MELK: variants seen among roughly 807,000 people sequenced by gnomAD.
MELK encodes the protein pEg3 kinase.
A neutral mutation model predicts 85.0 loss-of-function variants in MELK; 81 were observed. That is an observed-to-expected ratio of 0.95 (90% CI 0.80 to 1.15). The LOEUF is 1.15. Ranked by LOEUF, MELK falls within the 50% of genes most tolerant of loss-of-function variation. The pLI, the probability that MELK is intolerant of heterozygous loss-of-function variation, is 0.00. For missense variants in MELK, 754 were observed against 777.5 expected (o/e 0.97, Z 0.36); for synonymous variants, 252 against 265.0 (o/e 0.95, Z 0.48).
In MELK at chr9:36,661,764, A is replaced by G. The variant is rs1210307138; in HGVS notation, c.1177-3586A>G. 5.9e-5 allele frequency among the ~76,000 whole-genome samples: 9 copies of G among 152,146 alleles called. No homozygotes were observed. The East Asian group carries it at 1.7e-3, about 29-fold the overall frequency. ...ATCCTGGCTAACACAATGAAACTCC[A>G]TCTCTACTAAAAAATACAAAAAATT... is the stretch of plus-strand genomic sequence containing the variant. On this transcript the variant is annotated intron_variant, in intron 13 of 17. Transcript: ENST00000298048.
intron 8 of MELK, among the ~76,000 whole-genome samples, chr9:36,626,499 C>T (rs1024711306): frequency 6.6e-6 from 1 of 152,184 alleles, no homozygotes; most frequent in African/African-American, 2.4e-5. Flanking sequence ...TAAATGCACA[C>T]TTACACGTAG....
intron 6 of MELK, among the ~76,000 whole-genome samples, chr9:36,598,756 A>C (rs759580881): frequency 4.6e-5 from 7 of 152,172 alleles, no homozygotes; most frequent in Non-Finnish European, 8.8e-5. Flanking sequence ...GGGGATGGAA[A>C]GACGTGGATG....
In MELK at chr9:36,607,645, A is replaced by T; in HGVS notation, c.638A>T (p.Asn213Ile). Reference sequence around the variant, plus strand: ...GGATTTCTACCATTTGATGATGATAATGTAATGGCTTTATACAAGAAGATT... The same window carrying T: ...GGATTTCTACCATTTGATGATGATATTGTAATGGCTTTATACAAGAAGATT... The part of the protein sequence containing the change: ...MCGFLPFDDD[N>I]VMALYKKIMR... The change falls in exon 8 of 18, where the codon AAT becomes ATT. Residue 213 changes from asparagine to isoleucine, a missense_variant. Transcript: ENST00000298048. 6.2e-7 allele frequency: 1 copy of T among 1,609,398 alleles called. No individual in the cohort carries two copies. Among genetic ancestry groups the T allele is most frequent in the Non-Finnish European group, 8.5e-7 (1 of 1,175,796 alleles).
intron 8 of MELK, among the ~76,000 whole-genome samples, chr9:36,607,889 G>C (rs1482087709): frequency 6.6e-6 from 1 of 152,158 alleles, no homozygotes; most frequent in Non-Finnish European, 1.5e-5. Flanking sequence ...GTTTCCCCTT[G>C]TCAGCAGTTT....
chr9:36,582,207 A>G (rs1473693630), intron 2 of MELK, among the ~76,000 whole-genome samples: 1 of 151,844 alleles, frequency 6.6e-6, no homozygotes, highest in Non-Finnish European at 1.5e-5. Context: ...TGACCTCGTG[A>G]TCCACCCGCC....
chr9:36,614,443 T>TTTTA (rs1554722238), intron 8 of MELK, among the ~76,000 whole-genome samples: 2 of 129,892 alleles, frequency 1.5e-5, no homozygotes, highest in African/African-American at 3.0e-5. Context: ...TTTTTTTTTT[T>TTTTA]AATTTATTTT....
intron 17 of MELK, 98 bp downstream of exon 17, chr9:36,675,035 C>CAA: frequency 1.3e-6 from 1 of 793,432 alleles, no homozygotes; most frequent in Non-Finnish European, 2.0e-6. Flanking sequence ...CCTGTAATCC[C>CAA]AGCACTTTGG....
Position 36,578,612 on chromosome 9 carries a change from A to G in MELK, c.-38-3032A>G, listed in dbSNP as rs145380476. On this transcript the variant is annotated intron_variant, in intron 1 of 17. Transcript: ENST00000298048. ...TCATTGAAGACAATGAAGTCAGTCA[A>G]ATAAAGGATCTTTATTTTAACAGCC... is the stretch of plus-strand genomic sequence containing the variant. Among the ~76,000 whole-genome samples, 165 of 152,340 alleles carry G rather than the reference A, an allele frequency of 1.1e-3. 1 individual carries two copies. Among genetic ancestry groups the G allele is most frequent in the African/African-American group, 3.9e-3 (161 of 41,584 alleles).
intron 5 of MELK, among the ~76,000 whole-genome samples, chr9:36,595,302 A>AT (rs1485461774): frequency 6.6e-6 from 1 of 151,862 alleles, no homozygotes; most frequent in African/African-American, 2.4e-5. Context: ...CACCCGGCTA[A>AT]TTTTTTGTAT....
At chr9:36,655,725 C>T (rs2137416803) in intron 12 of MELK, among the ~76,000 whole-genome samples, 1 of 152,306 alleles carries the variant, frequency 6.6e-6, no homozygotes, top group Non-Finnish European at 1.5e-5. Flanking sequence ...CAGCACTGTA[C>T]TTCTCCCCAC....
intron 8 of MELK, among the ~76,000 whole-genome samples, chr9:36,620,091 G>T (rs545593285): frequency 6.6e-6 from 1 of 152,240 alleles, no homozygotes; most frequent in African/African-American, 2.4e-5. Context: ...CTTATTCAGG[G>T]TCTTATAGCT....
chr9:36,671,135 G>A lies in MELK; in HGVS notation c.1643G>A (p.Gly548Asp), dbSNP rs1478388216. 6.2e-7 allele frequency: 1 copy of A among 1,609,270 alleles called. No individual in the cohort carries two copies. Among genetic ancestry groups the A allele is most frequent in the Non-Finnish European group, 8.5e-7 (1 of 1,177,736 alleles). The stretch of plus-strand genomic sequence containing the variant: ...GTGCTCACCAGGAGCAAAAGGAAGG[G>A]TTCTGCCAGAGACGGGCCCAGAAGA... ...ITVLTRSKRK[G>D]SARDGPRRLK... The change falls in exon 16 of 18, where the codon GGT becomes GAT. Residue 548 changes from glycine to aspartate, a missense_variant. Gly to Asp is a moderately conservative substitution (Grantham distance 94). Transcript: ENST00000298048.
At chr9:36,657,547 C>G (rs1256959397) in intron 13 of MELK, among the ~76,000 whole-genome samples, 184 bp downstream of exon 13, 2 of 152,042 alleles carry the variant, frequency 1.3e-5, no homozygotes, top group Non-Finnish European at 2.9e-5. Context: ...TGAAGAAAGC[C>G]AAGATTCTAT....
intron 13 of MELK, among the ~76,000 whole-genome samples, chr9:36,659,830 GCTCTTGTTGC>G (rs1831615044): frequency 6.6e-6 from 1 of 152,052 alleles, no homozygotes; most frequent in African/African-American, 2.4e-5. Flanking sequence ...ATGGAGTTTT[GCTCTTGTTGC>G]CCAGGCTGGA....
intron 15 of MELK, among the ~76,000 whole-genome samples, chr9:36,669,842 A>T (rs537598983): frequency 8.5e-4 from 128 of 150,296 alleles, no homozygotes; most frequent in Non-Finnish European, 1.5e-3. Flanking sequence ...CTATTCTTTT[A>T]TAGCAATTTC....
At chr9:36,651,317 A>C (rs561728286) in intron 11 of MELK, among the ~76,000 whole-genome samples, 1 of 152,354 alleles carries the variant, frequency 6.6e-6, no homozygotes, top group Non-Finnish European at 1.5e-5. Flanking sequence ...TTACATAATC[A>C]TAATAATGCA....
chr9:36,664,446 A>G (rs1832145104), intron 13 of MELK, among the ~76,000 whole-genome samples: 1 of 152,198 alleles, frequency 6.6e-6, no homozygotes, highest in African/African-American at 2.4e-5. Flanking sequence ...TGCTTCTACC[A>G]GGTTCCTGGG....
chr9:36,594,319 T>C (rs1823948978), intron 4 of MELK, among the ~76,000 whole-genome samples: 1 of 152,232 alleles, frequency 6.6e-6, no homozygotes, highest in African/African-American at 2.4e-5. Flanking sequence ...AAGATGAGAA[T>C]GGCTTTTAAT....
At chr9:36,600,065 C>G (rs922632990) in intron 7 of MELK, among the ~76,000 whole-genome samples, 1 of 151,664 alleles carries the variant, frequency 6.6e-6, no homozygotes, top group African/African-American at 2.4e-5. Context: ...TTTCCTATTT[C>G]AGGACATGTC....
Sources: gnomAD v4.1 joint callset for allele counts (sites outside exome capture counted in the v4.1 genomes callset) on GRCh38, gnomAD v4.1.1 for gene constraint, MANE v1.5 for transcripts, NCBI Gene and HGNC (gene_info 2026-07-23, HGNC 2026-07-21) for gene names.